Variants in MS4A14 observed in about 807,000 individuals in gnomAD.
MS4A14 encodes the protein membrane-spanning 4-domains subfamily A member 14.
Under a neutral mutation model 16.7 loss-of-function variants are expected in MS4A14, and 18 were observed. That is an observed-to-expected ratio of 1.08 (90% confidence interval 0.75 to 1.60). MS4A14 has a LOEUF of 1.60. MS4A14 is among the 40% of genes most tolerant of loss of function. The pLI, the probability that MS4A14 is intolerant of heterozygous loss-of-function variation, is 0.00. For missense variants in MS4A14, 812 were observed against 775.3 expected, an observed-to-expected ratio of 1.05 and a Z score of -0.56; for synonymous variants, 305 against 289.4, an observed-to-expected ratio of 1.05 and a Z score of -0.55.
Position 60,416,566 on chromosome 11 carries a change from T to C in MS4A14, c.1598T>C (p.Leu533Ser), listed in dbSNP as rs1244909398. Residue 533 changes from leucine (L) to serine (S), a missense_variant, in exon 5 of 5, where the codon TTA becomes TCA. Physicochemically the swap from Leu to Ser is moderately radical, Grantham distance 145 (BLOSUM62 -2). Transcript: ENST00000300187. ...KGWQSPKQKSLDQQIKDWLSP... is the reference protein window; with the variant it reads ...KGWQSPKQKSSDQQIKDWLSP... ...TGGCAATCTCCAAAGCAGAAATCCT[T>C]AGACCAGCAAATCAAAGACTGGCTA... 5 of 1,613,688 alleles carry C rather than the reference T, an allele frequency of 3.1e-6. 1 individual carries two copies. The highest frequency in any genetic ancestry group is 2.7e-5 in the African/African-American group (2 of 74,868).
At chr11:60,396,960 C>T (rs2085634181) in intron 1 of MS4A14, among the ~76,000 whole-genome samples, 2 of 152,164 alleles carry the variant, frequency 1.3e-5, no homozygotes, top group South Asian at 4.1e-4. Flanking sequence ...GTGGCACCTC[C>T]CTTGAAGCTA....
rs543007115 is a variant in MS4A14 at position 60,402,803 on chromosome 11, T to G, written c.319-109T>G. 5 of 1,108,284 alleles carry G rather than the reference T, an allele frequency of 4.5e-6. 1 individual carries two copies. Among genetic ancestry groups the G allele is most frequent in the Middle Eastern group, 4.3e-4 (2 of 4,660 alleles). 68.7% of individuals were successfully genotyped at this position (1,108,284 alleles called of 1,614,324 possible). A position where few individuals can be genotyped will look rare whatever the true frequency, so the allele number is the denominator to read the frequency against. On this transcript the variant is annotated intron_variant, in intron 3 of 4. Transcript: ENST00000300187. The stretch of plus-strand genomic sequence containing the variant: ...AATCATACTGACCTGATGGAACAAC[T>G]CTTCCCTGAGAAGTATCTGGAAAGA...
chr11:60,415,500 G>T lies in MS4A14; in HGVS notation c.532G>T (p.Asp178Tyr). ...NSEQPAPEEN[D>Y]QLQFVLQEEF... ...TGAACAACCTGCCCCAGAAGAAAATGATCAATTACAATTTGTGCTTCAAGA... is the reference window on the plus strand; with the variant it reads ...TGAACAACCTGCCCCAGAAGAAAATTATCAATTACAATTTGTGCTTCAAGA... Residue 178 changes from aspartate to tyrosine, a missense_variant, in exon 5 of 5, where the codon GAT (aspartate) becomes TAT (tyrosine). Physicochemically the swap from Asp to Tyr is radical, Grantham distance 160. Coordinates refer to ENST00000300187, the MANE Select transcript of MS4A14 (RefSeq NM_032597.5). 1.2e-6 allele frequency: 2 copies of T among 1,613,422 alleles called. No individual in the cohort carries two copies. Among genetic ancestry groups the T allele is most frequent in the South Asian group, 2.2e-5 (2 of 90,978 alleles).
chr11:60,416,816 C>T lies in MS4A14; in HGVS notation c.1848C>T (p.Ser616=), dbSNP rs1346480846. 7 of 1,613,544 alleles carry T rather than the reference C, an allele frequency of 4.3e-6. No individual in the cohort carries two copies. Among genetic ancestry groups the T allele is most frequent in the South Asian group, 1.1e-5 (1 of 91,048 alleles). The change falls in exon 5 of 5, where the codon TCC becomes TCT. Residue 616 remains serine, a synonymous_variant. Transcript: ENST00000300187. Reference sequence around the variant, plus strand: ...ACCAGCCGGCCCAAGAGAAGAAATCCCCGAAAGGACAATTCCAAAATGTTC... The same window carrying T: ...ACCAGCCGGCCCAAGAGAAGAAATCTCCGAAAGGACAATTCCAAAATGTTC... ...TEDQPAQEKK[S]PKGQFQNVQA...
intron 4 of MS4A14, among the ~76,000 whole-genome samples, chr11:60,404,010 A>T (rs2085751976): frequency 6.6e-6 from 1 of 152,228 alleles, no homozygotes; most frequent in Non-Finnish European, 1.5e-5. Context: ...AGATTACTAA[A>T]GAAAGCCAGA....
At chr11:60,410,052 T>A (rs1468675337) in intron 4 of MS4A14, among the ~76,000 whole-genome samples, 1 of 152,096 alleles carries the variant, frequency 6.6e-6, no homozygotes, top group African/African-American at 2.4e-5. Context: ...AGAGACAAGG[T>A]CTTGCTATGC....
intron 4 of MS4A14, 29 bp downstream of exon 4, chr11:60,403,090 C>A: frequency 6.2e-7 from 1 of 1,602,714 alleles, no homozygotes; most frequent in African/African-American, 1.3e-5. Context: ...CATGAAGAAT[C>A]CCTAAAATCT....
chr11:60,396,635 CGAAACTGTATT>C lies in MS4A14; in HGVS notation c.60_70del (p.Glu20AspfsTer9), dbSNP rs777766462. The stretch of plus-strand genomic sequence containing the variant: ...CTCACGTCATCACTATAAAACCAAA[CGAAACTGTATT>C]GACTGCATTTCCCTACAGACCTCAT... On this transcript the variant is annotated frameshift_variant, in exon 1 of 5. Transcript: ENST00000300187. LOFTEE classifies it high-confidence loss of function. 7.4e-6 allele frequency: 12 copies of C among 1,614,018 alleles called. No homozygotes were observed. In the South Asian group the frequency reaches 1.3e-4, roughly 18 times the overall value.
At position 60,416,224 on chromosome 11, in the gene MS4A14, C is replaced by G. The variant is rs1236840693; in HGVS notation, c.1256C>G (p.Ala419Gly). Reference protein sequence around the residue: ...ALSAHAILPEASTSHIVQFPE... With the variant: ...ALSAHAILPEGSTSHIVQFPE... ...TCAGCGCATGCCATATTACCTGAAGCCTCAACATCCCATATTGTGCAGTTC... is the reference window on the plus strand; with the variant it reads ...TCAGCGCATGCCATATTACCTGAAGGCTCAACATCCCATATTGTGCAGTTC... The change falls in exon 5 of 5, where the codon GCC becomes GGC. Residue 419 changes from alanine to glycine, a missense_variant. Coordinates refer to ENST00000300187, the MANE Select transcript of MS4A14 (RefSeq NM_032597.5). 1 of 1,613,954 alleles carries G rather than the reference C, an allele frequency of 6.2e-7. No individual in the cohort carries two copies.
chr11:60,415,840 C>A lies in MS4A14; in HGVS notation c.872C>A (p.Thr291Asn). 1 of 1,613,884 alleles carries A rather than the reference C, an allele frequency of 6.2e-7. No homozygotes were observed. Among genetic ancestry groups the A allele is most frequent in the Non-Finnish European group, 8.5e-7 (1 of 1,179,924 alleles). ...ATTGTACAACCTTCTCAAATGCAAA[C>A]CAAGCTTCTGCAGGACCAAGCTGCG... ...SAIVQPSQMQ[T>N]KLLQDQAASL... is the part of the protein sequence containing the mutation. Residue 291 changes from threonine to asparagine, a missense_variant, in exon 5 of 5, where the codon ACC becomes AAC. Physicochemically the swap from Thr to Asn is moderately conservative, Grantham distance 65. Transcript: ENST00000300187.
chr11:60,396,674 C>T lies in MS4A14; in HGVS notation c.96C>T (p.Ser32=), dbSNP rs765606990. The T allele has an allele frequency of 3.1e-6, 5 of 1,613,828 alleles. No individual in the cohort carries two copies. Among genetic ancestry groups the T allele is most frequent in the East Asian group, 2.2e-5 (1 of 44,888 alleles). ...VLTAFPYRPH[S]SLLDFLKGEP... ...CTGCATTTCCCTACAGACCTCATAG[C>T]TCTCTGCTGGATTTTCTGAAGGGAG... Residue 32 remains serine (S), a synonymous_variant, in exon 1 of 5, where the codon AGC becomes AGT. Coordinates refer to ENST00000300187, the MANE Select transcript of MS4A14 (RefSeq NM_032597.5).
rs767967386 is a variant in MS4A14 at position 60,416,050 on chromosome 11, T to G, written c.1082T>G (p.Leu361Arg). 6.2e-7 allele frequency: 1 copy of G among 1,613,438 alleles called. No individual in the cohort carries two copies. Among genetic ancestry groups the G allele is most frequent in the South Asian group, 1.1e-5 (1 of 91,018 alleles). The change falls in exon 5 of 5, where the codon CTA becomes CGA. Residue 361 changes from leucine to arginine, a missense_variant. Coordinates refer to ENST00000300187, the MANE Select transcript of MS4A14 (RefSeq NM_032597.5). Reference protein sequence around the residue: ...TANDLPPQGILSQDTSSQDML... With the variant: ...TANDLPPQGIRSQDTSSQDML... ...AATGACCTGCCCCCTCAAGGCATAC[T>G]ATCCCAAGACACATCATCTCAAGAT...
chr11:60,416,064 T>A lies in MS4A14; in HGVS notation c.1096T>A (p.Ser366Thr), dbSNP rs149868650. 3 of 1,612,570 alleles carry A rather than the reference T, an allele frequency of 1.9e-6. No individual in the cohort carries two copies. The highest frequency in any genetic ancestry group is 1.7e-5 in the Admixed American group (1 of 59,686). Residue 366 changes from serine (S) to threonine (T), a missense_variant, in exon 5 of 5, where the codon TCA (serine) becomes ACA (threonine). Physicochemically the swap from Ser to Thr is moderately conservative, Grantham distance 58. Transcript: ENST00000300187. Reference sequence around the variant, plus strand: ...TCAAGGCATACTATCCCAAGACACATCATCTCAAGATATGCTGTTTCATGA... The same window carrying A: ...TCAAGGCATACTATCCCAAGACACAACATCTCAAGATATGCTGTTTCATGA... ...PPQGILSQDT[S>T]SQDMLFHDMT...
rs2085945122 is a variant in MS4A14, at chr11:60,416,436, C to T, written c.1468C>T (p.Gln490Ter). The change falls in exon 5 of 5, where the codon CAG becomes TAG. Residue 490 changes from glutamine to a stop codon, truncating the protein, a stop_gained. Transcript: ENST00000300187. LOFTEE classifies it low-confidence loss of function (END_TRUNC). The stretch of plus-strand genomic sequence containing the variant: ...ATCCTCAAGACGGCATTCCTTAAAC[C>T]AGCAAACCAAAGCCTTGCAATACTT... Reference protein sequence around the residue: ...RKSSRRHSLNQQTKALQYLRR... With the variant: ...RKSSRRHSLN The T allele has an allele frequency of 6.2e-7, 1 of 1,613,762 alleles. No individual in the cohort carries two copies. The highest frequency in any genetic ancestry group is 1.7e-5 in the Admixed American group (1 of 59,934).
At position 60,400,460 on chromosome 11, in the gene MS4A14, C is replaced by A. The variant is rs1227070622; in HGVS notation, c.318+6C>A. On this transcript the variant is annotated splice_donor_region_variant and intron_variant, in intron 3 of 4. Coordinates refer to ENST00000300187, the MANE Select transcript of MS4A14 (RefSeq NM_032597.5). ...ATAAGAAATCAAAACTTCTGGTAAG[C>A]CACTTAAACTACATAAAATTTAAAA... The A allele has an allele frequency of 3.2e-6, 5 of 1,584,270 alleles. No individual in the cohort carries two copies. The highest frequency in any genetic ancestry group is 8.7e-7 in the Non-Finnish European group (1 of 1,155,068).
In MS4A14 at chr11:60,417,001, CTG is replaced by C; in HGVS notation, c.2034_2035del (p.Gly679IlefsTer166). 6.2e-7 allele frequency: 1 copy of C among 1,610,470 alleles called. No homozygotes were observed. Among genetic ancestry groups the C allele is most frequent in the Non-Finnish European group, 8.5e-7 (1 of 1,178,188 alleles). Reference sequence around the variant, plus strand: ...AATCTTTTGGCCAAGAATCCCCTGACTGGATAACTCAGGGCTGGAGAAACAAA... The same window carrying C: ...AATCTTTTGGCCAAGAATCCCCTGACGATAACTCAGGGCTGGAGAAACAAA... On this transcript the variant is annotated frameshift_variant, in exon 5 of 5. Transcript: ENST00000300187. LOFTEE classifies it high-confidence loss of function.
intron 4 of MS4A14, among the ~76,000 whole-genome samples, chr11:60,406,431 T>A (rs1255883850): frequency 2.0e-5 from 3 of 152,228 alleles, no homozygotes; most frequent in African/African-American, 4.8e-5. Flanking sequence ...ATTTACTGAA[T>A]TCTGACTATG....
In MS4A14 at chr11:60,402,950, G is replaced by A. The variant is rs2085736234; in HGVS notation, c.357G>A (p.Leu119=). ...CGGGCATGAATGTTATCAGCTCCTT[G>A]GTTGCGATAACTGGGATTACTTTCA... ...GVTGMNVISS[L]VAITGITFTI... The change falls in exon 4 of 5, where the codon TTG becomes TTA. Residue 119 remains leucine, a synonymous_variant. Coordinates refer to ENST00000300187, the MANE Select transcript of MS4A14 (RefSeq NM_032597.5). 2 of 1,613,706 alleles carry A rather than the reference G, an allele frequency of 1.2e-6. No individual in the cohort carries two copies. Among genetic ancestry groups the A allele is most frequent in the Non-Finnish European group, 1.7e-6 (2 of 1,179,752 alleles).
At position 60,415,467 on chromosome 11, in the gene MS4A14, C is replaced by G. The variant is rs2085924065; in HGVS notation, c.499C>G (p.Gln167Glu). 6.2e-6 allele frequency: 10 copies of G among 1,612,098 alleles called. No individual in the cohort carries two copies. The highest frequency in any genetic ancestry group is 8.5e-6 in the Non-Finnish European group (10 of 1,179,180). The change falls in exon 5 of 5, where the codon CAA becomes GAA. Residue 167 changes from glutamine to glutamate, a missense_variant. Transcript: ENST00000300187. ...VLFFLPSDVTQNSEQPAPEEN... is the reference protein window; with the variant it reads ...VLFFLPSDVTENSEQPAPEEN... ...GTTTTTCTTGCCTTCGGATGTTACT[C>G]AAAATAGTGAACAACCTGCCCCAGA...
Sources: allele counts gnomAD v4.1 joint callset (sites outside exome capture counted in the v4.1 genomes callset), GRCh38; gene constraint gnomAD v4.1.1; transcripts MANE v1.5; gene names NCBI Gene and HGNC (gene_info 2026-07-23, HGNC 2026-07-21).